The following SLC12A4 variants were observed in gnomAD, a reference collection of about 807,000 sequenced individuals.
The protein encoded by SLC12A4 is solute carrier family 12 member 4.
A neutral mutation model predicts 119.2 loss-of-function variants in SLC12A4; 84 were observed. That is an observed-to-expected ratio of 0.70 (90% CI 0.59 to 0.85). SLC12A4 has a LOEUF of 0.85. Ranked by LOEUF, SLC12A4 falls within the 40% of genes least tolerant of loss-of-function variation. The probability of loss-of-function intolerance (pLI) is 0.00; values close to 1 mark genes in which losing one functional copy is unlikely to be tolerated. For missense variants in SLC12A4, 1,298 were observed against 1,476.3 expected (o/e 0.88, Z 1.98); for synonymous variants, 599 against 604.6 (o/e 0.99, Z 0.14).
intron 1 of SLC12A4, among the ~76,000 whole-genome samples, chr16:67,964,971 TCTTC>T (rs1377092050): frequency 1.3e-5 from 2 of 152,200 alleles, no homozygotes; most frequent in East Asian, 3.8e-4. Flanking sequence ...CAAAGTCAGT[TCTTC>T]CTTCCCACAG....
Position 67,946,172 on chromosome 16 carries a change from T to C in SLC12A4, c.2606A>G (p.Lys869Arg). The C allele has an allele frequency of 1.2e-6, 2 of 1,613,936 alleles. No homozygotes were observed. The highest frequency in any genetic ancestry group is 1.7e-6 in the Non-Finnish European group (2 of 1,180,036). The change falls in exon 19 of 24, where the codon AAG (lysine) becomes AGG (arginine). Residue 869 changes from lysine to arginine, a missense_variant and splice_region_variant. By Grantham distance (26) the Lys-to-Arg change is conservative (BLOSUM62 2). Transcript: ENST00000316341. ...ATCTGCACCCACCCCCTGGTCTACCTTATGCTGGCGCAGCAGGAAGGGCAG... is the reference window on the plus strand; with the variant it reads ...ATCTGCACCCACCCCCTGGTCTACCCTATGCTGGCGCAGCAGGAAGGGCAG... ...MLLPFLLRQH[K>R]VWRKCRMRIF... is the part of the protein sequence containing the mutation.
In SLC12A4 at chr16:67,944,872, C is replaced by T; in HGVS notation, c.3226G>A (p.Gly1076Ser). The change falls in exon 24 of 24, where the codon GGT becomes AGT. Residue 1076 changes from glycine to serine, a missense_variant. Physicochemically the swap from Gly to Ser is moderately conservative, Grantham distance 56. Coordinates refer to ENST00000316341, the MANE Select transcript of SLC12A4 (RefSeq NM_005072.5). The surrounding 1 kb of genome is among the most constrained non-coding windows in gnomAD (Gnocchi z 6.6). ...TAGATGGTGATGACTTCACGGCCAC[C>T]ACCGCGCACCAACAGCACCCGCTCA... is the stretch of plus-strand genomic sequence containing the variant. ...GLERVLLVRGGGREVITIYS is the reference protein window; with the variant it reads ...GLERVLLVRGSGREVITIYS The T allele has an allele frequency of 3.1e-6, 5 of 1,613,406 alleles. No homozygotes were observed. The highest frequency in any genetic ancestry group is 4.2e-6 in the Non-Finnish European group (5 of 1,180,016).
chr16:67,946,317 C>CA lies in SLC12A4; in HGVS notation c.2460dup (p.Ala821CysfsTer49). The CA allele has an allele frequency of 6.2e-7, 1 of 1,611,218 alleles. No individual in the cohort carries two copies. Among genetic ancestry groups the CA allele is most frequent in the Non-Finnish European group, 8.5e-7 (1 of 1,180,040 alleles). On this transcript the variant is annotated frameshift_variant, in exon 19 of 24. Transcript: ENST00000316341. LOFTEE classifies it high-confidence loss of function. ...TTGGGCACGAGCAGGGCCAGGTGGG[C>CA]AGCCGTAGTGCAGCGCACGGTGTCT...
chr16:67,943,735 C>G lies in SLC12A4; in HGVS notation c.*1105G>C, dbSNP rs568288823. 1.0e-5 allele frequency: 6 copies of G among 584,826 alleles called. No individual in the cohort carries two copies. Among genetic ancestry groups the G allele is most frequent in the Middle Eastern group, 4.6e-4 (1 of 2,196 alleles). 36.2% of individuals were successfully genotyped at this position (584,826 alleles called of 1,614,324 possible). ...CACACCCCGTCCCCCACTCCGCCCC[C>G]CCTGGGTTAGACAACTGAGAGTCAC... On this transcript the variant is annotated 3_prime_UTR_variant, in exon 24 of 24. Transcript: ENST00000316341. The surrounding 1 kb of genome is among the most constrained non-coding windows in gnomAD (Gnocchi z 4.6).
intron 3 of SLC12A4, among the ~76,000 whole-genome samples, chr16:67,959,621 TTGTC>T (rs2030456689): frequency 6.6e-6 from 1 of 152,166 alleles, no homozygotes; most frequent in African/African-American, 2.4e-5. Context: ...CATCTGGGCT[TTGTC>T]TGAGCCCTTC....
At position 67,943,779 on chromosome 16, in the gene SLC12A4, A is replaced by G; in HGVS notation, c.*1061T>C. The G allele has an allele frequency of 1.6e-6, 1 of 641,856 alleles. No homozygotes were observed. Among genetic ancestry groups the G allele is most frequent in the Admixed American group, 3.1e-5 (1 of 32,522 alleles). The allele number at this position is 641,856 out of a possible 1,614,324, so 39.8% of individuals were successfully genotyped here. On this transcript the variant is annotated 3_prime_UTR_variant, in exon 24 of 24. Transcript: ENST00000316341. This position sits in a 1 kb window ranked among gnomAD's most constrained non-coding sequence, Gnocchi z 4.6. Reference sequence around the variant, plus strand: ...GAGTCACAGTGTGGTGGGAGAAGGGACGTCATTCCTCTAAGGGACAAGCTT... The same window carrying G: ...GAGTCACAGTGTGGTGGGAGAAGGGGCGTCATTCCTCTAAGGGACAAGCTT...
chr16:67,956,756 C>G (rs564163258), intron 5 of SLC12A4, among the ~76,000 whole-genome samples: 3 of 151,734 alleles, frequency 2.0e-5, no homozygotes, highest in Non-Finnish European at 4.4e-5. Context: ...CACATACACA[C>G]GTAAACATAT....
intron 5 of SLC12A4, among the ~76,000 whole-genome samples, chr16:67,956,737 A>G (rs962814420): frequency 6.6e-6 from 1 of 152,072 alleles, no homozygotes; most frequent in Non-Finnish European, 1.5e-5. Context: ...CTTGGGAAAC[A>G]TACACACACA....
chr16:67,951,285 G>A lies in SLC12A4; in HGVS notation c.1152C>T (p.Tyr384=), dbSNP rs770175112. Residue 384 remains tyrosine, a synonymous_variant, in exon 9 of 24, where the codon TAC becomes TAT. Transcript: ENST00000316341. This position sits in a 1 kb window ranked among gnomAD's most constrained non-coding sequence, Gnocchi z 5.2. ...TCTCCACGATGTCACCCTTCTCCAGGTAGGCGCTCCACAGGTTTTCTGCAG... is the reference window on the plus strand; with the variant it reads ...TCTCCACGATGTCACCCTTCTCCAGATAGGCGCTCCACAGGTTTTCTGCAG... The part of the protein sequence containing the change: ...GVLQENLWSA[Y]LEKGDIVEKH... The A allele has an allele frequency of 6.2e-7, 1 of 1,613,818 alleles. No individual in the cohort carries two copies. The highest frequency in any genetic ancestry group is 1.1e-5 in the South Asian group (1 of 91,044).
Position 67,945,809 on chromosome 16 carries a change from C to T in SLC12A4, c.2802G>A (p.Gln934=), listed in dbSNP as rs1214058517. Residue 934 remains glutamine (Q), a synonymous_variant, in exon 21 of 24, where the codon CAG becomes CAA. Coordinates refer to ENST00000316341, the MANE Select transcript of SLC12A4 (RefSeq NM_005072.5). ...TGGTCAGTCTCATCTGCCGCAGCAT[C>T]TGCGACCGCTGCTCCATCATCAGCG... ...ERTLMMEQRS[Q]MLRQMRLTKT... is the part of the protein sequence containing the mutation. 1 of 1,613,930 alleles carries T rather than the reference C, an allele frequency of 6.2e-7. No individual in the cohort carries two copies. The highest frequency in any genetic ancestry group is 1.3e-5 in the African/African-American group (1 of 75,078).
chr16:67,946,155 C>G lies in SLC12A4; in HGVS notation c.2607+16G>C. 6.2e-7 allele frequency: 1 copy of G among 1,613,702 alleles called. No homozygotes were observed. On this transcript the variant is annotated intron_variant, in intron 19 of 23. Coordinates refer to ENST00000316341, the MANE Select transcript of SLC12A4 (RefSeq NM_005072.5). The stretch of plus-strand genomic sequence containing the variant: ...AGGGCCTAGCCCCTCTCATCTGCAC[C>G]CACCCCCTGGTCTACCTTATGCTGG...
In SLC12A4 at chr16:67,943,737, CT is replaced by C. The variant is rs773773206; in HGVS notation, c.*1102del. ...CACCCCGTCCCCCACTCCGCCCCCC[CT>C]GGGTTAGACAACTGAGAGTCACAGT... On this transcript the variant is annotated 3_prime_UTR_variant, in exon 24 of 24. Transcript: ENST00000316341. This position sits in a 1 kb window ranked among gnomAD's most constrained non-coding sequence, Gnocchi z 4.6. The C allele has an allele frequency of 9.2e-4, 541 of 587,146 alleles. 4 individuals carry two copies. The highest frequency in any genetic ancestry group is 1.1e-3 in the Non-Finnish European group (358 of 337,210). 36.4% of individuals were successfully genotyped at this position (587,146 alleles called of 1,614,324 possible).
chr16:67,946,652 GGGCCA>G lies in SLC12A4; in HGVS notation c.2242-24_2242-20del. Reference sequence around the variant, plus strand: ...TGATGGTCTGTGGGGAACACACCCAGGGCCAATGGGAGGCCATCAGCTTCCTGCCT... The same window carrying G: ...TGATGGTCTGTGGGGAACACACCCAGATGGGAGGCCATCAGCTTCCTGCCT... On this transcript the variant is annotated intron_variant, in intron 17 of 23. Transcript: ENST00000316341. The G allele has an allele frequency of 6.3e-7, 1 of 1,592,742 alleles. No homozygotes were observed. Among genetic ancestry groups the G allele is most frequent in the Non-Finnish European group, 8.6e-7 (1 of 1,164,872 alleles).
At chr16:67,968,675 T>A, upstream of SLC12A4, 1 of 1,265,682 alleles carries the variant, frequency 7.9e-7, no homozygotes, top group Non-Finnish European at 9.9e-7. Flanking sequence ...TGCGCTCACT[T>A]CCTCCGCCCG....
chr16:67,954,551 C>T (rs1299782881), intron 6 of SLC12A4, 92 bp downstream of exon 6: 21 of 1,500,290 alleles, frequency 1.4e-5, no homozygotes, highest in Non-Finnish European at 1.7e-5. Context: ...CTTGGCCAGA[C>T]ATGTGGGGAT....
chr16:67,962,343 G>A (rs1420978378), intron 2 of SLC12A4: 2 of 152,318 alleles, frequency 1.3e-5, no homozygotes, highest in Non-Finnish European at 2.9e-5. Context: ...CAGGTCAGGA[G>A]GCCTCCCAGA....
intron 6 of SLC12A4, among the ~76,000 whole-genome samples, chr16:67,952,970 C>T (rs747355407): frequency 2.6e-5 from 4 of 151,664 alleles, no homozygotes; most frequent in East Asian, 1.9e-4. Context: ...TAGTGGCACA[C>T]GCCTGTAATC....
Position 67,943,525 on chromosome 16 carries a change from C to G in SLC12A4, c.*1315G>C. On this transcript the variant is annotated 3_prime_UTR_variant, in exon 24 of 24. Transcript: ENST00000316341. This position sits in a 1 kb window ranked among gnomAD's most constrained non-coding sequence, Gnocchi z 4.6. The stretch of plus-strand genomic sequence containing the variant: ...AAGTCCAAGGTGGGAACAGATAGGT[C>G]TGGGGGCATGGGGGCTGGGCCTAAT... The G allele has an allele frequency of 3.9e-6, 2 of 518,848 alleles. No individual in the cohort carries two copies. Among genetic ancestry groups the G allele is most frequent in the Non-Finnish European group, 7.0e-6 (2 of 284,874 alleles). 32.1% of individuals were successfully genotyped at this position (518,848 alleles called of 1,614,324 possible).
rs2029950313 is a variant in SLC12A4, at chr16:67,952,170, C to T, written c.917+14G>A. 2.5e-6 allele frequency: 4 copies of T among 1,613,458 alleles called. No individual in the cohort carries two copies. ...TGTCCATGCAATGCCCAGATAAATT[C>T]CTGGGTTACTTACGGAAACACGGGA... On this transcript the variant is annotated intron_variant, in intron 7 of 23. Coordinates refer to ENST00000316341, the MANE Select transcript of SLC12A4 (RefSeq NM_005072.5).
Sources: allele counts gnomAD v4.1 joint callset (sites outside exome capture counted in the v4.1 genomes callset), GRCh38; gene constraint gnomAD v4.1.1; non-coding constraint Gnocchi (gnomAD v3.1); transcripts MANE v1.5; gene names NCBI Gene and HGNC (gene_info 2026-07-23, HGNC 2026-07-21).